Variants in ZDHHC15 observed in about 807,000 individuals in gnomAD.
The protein encoded by ZDHHC15 is palmitoyltransferase ZDHHC15.
Under a neutral mutation model 31.7 loss-of-function variants are expected in ZDHHC15, and 19 were observed. That is an observed-to-expected ratio of 0.60 (90% CI 0.42 to 0.88). The LOEUF is 0.88. Ranked by LOEUF, ZDHHC15 falls within the 40% of genes least tolerant of loss-of-function variation. The pLI, the probability that ZDHHC15 is intolerant of heterozygous loss-of-function variation, is 0.00. For missense variants in ZDHHC15, 209 were observed against 251.2 expected, an observed-to-expected ratio of 0.83 and a Z score of 1.14; for synonymous variants, 103 against 90.0, an observed-to-expected ratio of 1.14 and a Z score of -0.82.
At chrX:75,439,743 C>T (rs929423969) in intron 4 of ZDHHC15, among the ~76,000 whole-genome samples, 1 of 111,425 alleles carries the variant, frequency 9.0e-6, no homozygotes, top group Non-Finnish European at 1.9e-5. Flanking sequence ...AAGAACCTTG[C>T]TTTATAATAT....
rs1311957939 is a variant in ZDHHC15, at chrX:75,372,768, T to C, written c.*210A>G. 2 of 112,219 alleles carry C rather than the reference T, an allele frequency of 1.8e-5. No individual in the cohort carries two copies. Among genetic ancestry groups the C allele is most frequent in the Non-Finnish European group, 3.8e-5 (2 of 53,177 alleles). 9.2% of individuals were successfully genotyped at this position (112,219 alleles called of 1,213,427 possible). On this transcript the variant is annotated 3_prime_UTR_variant, in exon 12 of 12. Coordinates refer to ENST00000373367, the MANE Select transcript of ZDHHC15 (RefSeq NM_144969.3). ...AATTAACTGCTACCAAATTCCAAAT[T>C]GGATTTCAGTCAGTAAATTAAATAA...
rs2083007561 is a variant in ZDHHC15 at position 75,371,723 on chromosome X, T to C, written c.*1255A>G. 9.0e-6 allele frequency: 1 copy of C among 111,583 alleles called. No individual in the cohort carries two copies. Among genetic ancestry groups the C allele is most frequent in the Admixed American group, 9.6e-5 (1 of 10,459 alleles). The allele number at this position is 111,583 out of a possible 1,213,427, so 9.2% of individuals were successfully genotyped here. A position where few individuals can be genotyped will look rare whatever the true frequency, so the allele number is the denominator to read the frequency against. ...TGTCAGCAGCTGGGCACTAGACTGC[T>C]GGATGAAAAAATGAAAGATATCAAT... is the stretch of plus-strand genomic sequence containing the variant. On this transcript the variant is annotated 3_prime_UTR_variant, in exon 12 of 12. Transcript: ENST00000373367.
chrX:75,490,471 T>A (rs2084864926), intron 2 of ZDHHC15, among the ~76,000 whole-genome samples: 1 of 111,752 alleles, frequency 8.9e-6, no homozygotes, highest in Non-Finnish European at 1.9e-5. Context: ...CTTGGCGATG[T>A]GGGCTCTTTT....
chrX:75,431,391 G>T, intron 5 of ZDHHC15, 60 bp downstream of exon 5: 1 of 1,073,129 alleles, frequency 9.3e-7, no homozygotes, highest in Non-Finnish European at 1.3e-6. Flanking sequence ...CAGTCATTTT[G>T]TTGTCTAGGA....
intron 7 of ZDHHC15, among the ~76,000 whole-genome samples, chrX:75,427,254 C>T (rs192216811): frequency 9.4e-6 from 1 of 106,037 alleles, no homozygotes; most frequent in African/African-American, 3.4e-5. Flanking sequence ...CATTTCCTTG[C>T]CTCTCATCTG....
At chrX:75,419,010 G>C (rs2083585074) in intron 9 of ZDHHC15, among the ~76,000 whole-genome samples, 1 of 112,235 alleles carries the variant, frequency 8.9e-6, no homozygotes, top group African/African-American at 3.2e-5. Context: ...TCTCATTAGA[G>C]TGAAGAGGCA....
intron 10 of ZDHHC15, among the ~76,000 whole-genome samples, chrX:75,407,192 G>A (rs936913238): frequency 9.0e-6 from 1 of 110,886 alleles, no homozygotes; most frequent in Non-Finnish European, 1.9e-5. Context: ...ACCCCATCTG[G>A]GAACTGAGGA....
chrX:75,454,183 C>T (rs1292088243), intron 3 of ZDHHC15, among the ~76,000 whole-genome samples: 5 of 112,115 alleles, frequency 4.5e-5, no homozygotes, highest in African/African-American at 1.6e-4. Context: ...TAAGCAACTT[C>T]AGCAAAGTCT....
At chrX:75,466,814 G>A (rs191688333) in intron 3 of ZDHHC15, among the ~76,000 whole-genome samples, 3 of 104,980 alleles carry the variant, frequency 2.9e-5, no homozygotes, top group African/African-American at 3.5e-5. Flanking sequence ...AACACCATAC[G>A]TTCTAACTTA....
chrX:75,492,279 A>C (rs2084910734), intron 2 of ZDHHC15, among the ~76,000 whole-genome samples: 1 of 111,748 alleles, frequency 8.9e-6, no homozygotes, highest in Non-Finnish European at 1.9e-5. Context: ...AGATTCATGA[A>C]GCAAGTCCTG....
At chrX:75,403,874 T>A (rs1034347008) in intron 10 of ZDHHC15, among the ~76,000 whole-genome samples, 59 of 111,736 alleles carry the variant, frequency 5.3e-4, no homozygotes, top group African/African-American at 1.9e-3. Context: ...ACTAGACAAA[T>A]GTTTTAAAAT....
rs753098694 is a variant in ZDHHC15, at chrX:75,372,023, A to T, written c.*955T>A. 4.5e-5 allele frequency: 5 copies of T among 112,130 alleles called. No homozygotes were observed. Among genetic ancestry groups the T allele is most frequent in the African/African-American group, 1.3e-4 (4 of 30,978 alleles). The allele number at this position is 112,130 out of a possible 1,213,427, so 9.2% of individuals were successfully genotyped here. The stretch of plus-strand genomic sequence containing the variant: ...TCAGCTGTGAAACTTTACCCTTATG[A>T]AAGGCAGTGAAATTAAACCTGAAAA... On this transcript the variant is annotated 3_prime_UTR_variant, in exon 12 of 12. Coordinates refer to ENST00000373367, the MANE Select transcript of ZDHHC15 (RefSeq NM_144969.3).
intron 1 of ZDHHC15, among the ~76,000 whole-genome samples, chrX:75,511,816 C>T (rs1340409066): frequency 5.1e-5 from 3 of 59,185 alleles, no homozygotes; most frequent in Non-Finnish European, 9.2e-5. Flanking sequence ...ATACCAAAGC[C>T]GGGCAGAGAC....
chrX:75,467,856 G>T (rs4892587), intron 3 of ZDHHC15, among the ~76,000 whole-genome samples: 1 of 110,230 alleles, frequency 9.1e-6, no homozygotes, highest in Admixed American at 9.8e-5. Context: ...AGTTCCAGAA[G>T]AGTTTCATCT....
rs763493407 is a variant in ZDHHC15 at position 75,485,193 on chromosome X, G to A, written c.164-6208C>T. On this transcript the variant is annotated intron_variant, in intron 2 of 11. Transcript: ENST00000373367. ...ATCAACCTGTATACTCAAAAATGGT[G>A]ACACTGCATATAAATTATATCTCAA... Among the ~76,000 whole-genome samples the A allele has an allele frequency of 4.5e-5, 5 of 110,942 alleles. No individual in the cohort carries two copies. The East Asian group carries it at 1.4e-3, about 32-fold the overall frequency.
In ZDHHC15 at chrX:75,429,197, C is replaced by A; in HGVS notation, c.484G>T (p.Val162Phe). The change falls in exon 7 of 12, where the codon GTT (valine) becomes TTT (phenylalanine). Residue 162 changes from valine (V) to phenylalanine (F), a missense_variant and splice_region_variant. Transcript: ENST00000373367. ...VLKMDHHCPW[V>F]NNCIGFSNYK... ...TTGGAAAATCCAATGCAGTTATTAA[C>A]CCTAAAAAAAAAGAAAAACTAATTT... 1 of 1,193,222 alleles carries A rather than the reference C, an allele frequency of 8.4e-7. No individual in the cohort carries two copies. Among genetic ancestry groups the A allele is most frequent in the East Asian group, 3.0e-5 (1 of 33,360 alleles).
At chrX:75,492,560 A>G (rs761022364) in intron 2 of ZDHHC15, among the ~76,000 whole-genome samples, 8 of 111,941 alleles carry the variant, frequency 7.1e-5, no homozygotes, top group Non-Finnish European at 1.3e-4. Context: ...ATGTAAAAGA[A>G]CAGAAATTAT....
At chrX:75,503,704 G>T (rs746858805) in intron 2 of ZDHHC15, among the ~76,000 whole-genome samples, 2 of 111,436 alleles carry the variant, frequency 1.8e-5, no homozygotes, top group Non-Finnish European at 3.8e-5. Flanking sequence ...GTGCATTAGA[G>T]AGTGAAATTT....
At position 75,456,060 on chromosome X, in the gene ZDHHC15, T is replaced by G. The variant is rs138679972; in HGVS notation, c.259-5138A>C. On this transcript the variant is annotated intron_variant, in intron 3 of 11. Transcript: ENST00000373367. The stretch of plus-strand genomic sequence containing the variant: ...TAGAAAGACACACACACATGTATGT[T>G]TATTGTGGCACTATTCACAATAGCA... Among the ~76,000 whole-genome samples, 1,061 of 111,831 alleles carry G rather than the reference T, an allele frequency of 9.5e-3. 16 individuals carry two copies. The highest frequency in any genetic ancestry group is 0.033 in the African/African-American group (1,019 of 30,796).
Sources: gnomAD v4.1 joint callset for allele counts (sites outside exome capture counted in the v4.1 genomes callset) on GRCh38, gnomAD v4.1.1 for gene constraint, MANE v1.5 for transcripts, NCBI Gene and HGNC (gene_info 2026-07-23, HGNC 2026-07-21) for gene names.